The following CD226 variants were observed in gnomAD, a reference collection of about 807,000 sequenced individuals.
The protein encoded by CD226 is CD226 antigen.
A neutral mutation model predicts 34.9 loss-of-function variants in CD226; 24 were observed. That is an observed-to-expected ratio of 0.69 (90% CI 0.50 to 0.97). The LOEUF is 0.97. Ranked by LOEUF, CD226 falls within the 50% of genes least tolerant of loss-of-function variation. The pLI is 0.00. For synonymous variants in CD226, 148 were observed against 147.4 expected (o/e 1.00, Z -0.03); for missense variants, 397 against 412.7 (o/e 0.96, Z 0.33).
At chr18:69,868,086 G>A (rs756956260) in intron 4 of CD226, among the ~76,000 whole-genome samples, 4 of 152,052 alleles carry the variant, frequency 2.6e-5, no homozygotes, top group Non-Finnish European at 4.4e-5. Context: ...TTCAATAAAC[G>A]CTCCACAGTT....
At chr18:69,867,059 G>C (rs940918485) in intron 5 of CD226, among the ~76,000 whole-genome samples, 3 of 152,164 alleles carry the variant, frequency 2.0e-5, no homozygotes, top group African/African-American at 7.2e-5. Context: ...TTGGTAATTT[G>C]TCACAGCAGC....
chr18:69,955,883 A>AAAT (rs1468248822), intron 1 of CD226, among the ~76,000 whole-genome samples: 1 of 151,286 alleles, frequency 6.6e-6, no homozygotes, highest in Non-Finnish European at 1.5e-5. Context: ...AAAAAAAAAA[A>AAAT]ATTTCCTCAG....
At chr18:69,934,242 T>C (rs948010680) in intron 2 of CD226, among the ~76,000 whole-genome samples, 1 of 151,670 alleles carries the variant, frequency 6.6e-6, no homozygotes, top group Admixed American at 6.6e-5. Flanking sequence ...GGGTTCTTTA[T>C]ATATCATGAA....
At chr18:69,882,197 A>T (rs1383780559) in intron 3 of CD226, among the ~76,000 whole-genome samples, 1 of 152,220 alleles carries the variant, frequency 6.6e-6, no homozygotes, top group Non-Finnish European at 1.5e-5. Flanking sequence ...CTGATGTAGA[A>T]ATTTTGCTAC....
At chr18:69,871,181 G>A (rs772939733) in intron 4 of CD226, among the ~76,000 whole-genome samples, 9 of 152,100 alleles carry the variant, frequency 5.9e-5, no homozygotes, top group East Asian at 1.9e-4. Context: ...ACATTTGCCC[G>A]GTTCCCATGT....
At chr18:69,919,687 GTTA>G (rs1401311029) in intron 2 of CD226, among the ~76,000 whole-genome samples, 3 of 152,112 alleles carry the variant, frequency 2.0e-5, no homozygotes, top group Non-Finnish European at 4.4e-5. Flanking sequence ...GCAGGCCAGG[GTTA>G]TTAAGTCTGA....
intron 3 of CD226, among the ~76,000 whole-genome samples, chr18:69,878,101 A>T (rs1983989480): frequency 6.6e-6 from 1 of 152,208 alleles, no homozygotes; most frequent in Non-Finnish European, 1.5e-5. Flanking sequence ...TTAGTTTTTT[A>T]AGTTTTGCTA....
At chr18:69,898,571 C>T (rs527240444) in intron 2 of CD226, among the ~76,000 whole-genome samples, 1 of 152,226 alleles carries the variant, frequency 6.6e-6, no homozygotes, top group South Asian at 2.1e-4. Context: ...ATGTGAGGAC[C>T]TAGACCCGCC....
At position 69,860,625 on chromosome 18, in the gene CD226, T is replaced by C. The variant is rs980235750; in HGVS notation, c.*3689A>G. The stretch of plus-strand genomic sequence containing the variant: ...AAAAAAATTAACTTGTTTTTAGTTT[T>C]CAGATACATGTTTTAAGAGCCCAGA... On this transcript the variant is annotated 3_prime_UTR_variant, in exon 6 of 6. Transcript: ENST00000582621. 1 of 152,176 alleles carries C rather than the reference T, an allele frequency of 6.6e-6. No homozygotes were observed. 9.4% of individuals were successfully genotyped at this position (152,176 alleles called of 1,614,324 possible). A position where few individuals can be genotyped will look rare whatever the true frequency, so the allele number is the denominator to read the frequency against.
chr18:69,937,940 A>C (rs1231458710), intron 2 of CD226, among the ~76,000 whole-genome samples: 2 of 152,172 alleles, frequency 1.3e-5, no homozygotes, highest in African/African-American at 4.8e-5. Flanking sequence ...ACAAGAATGA[A>C]AGAAAACTTT....
intron 4 of CD226, among the ~76,000 whole-genome samples, chr18:69,869,801 T>TTC (rs955727543): frequency 4.6e-5 from 4 of 86,346 alleles, no homozygotes; most frequent in African/African-American, 1.0e-4. Context: ...TTTTTTTTCT[T>TTC]TTTTTTTTTT....
In CD226 at chr18:69,946,813, A is replaced by C. The variant is rs765504748; in HGVS notation, c.303T>G (p.Asp101Glu). Residue 101 changes from aspartate to glutamate, a missense_variant, in exon 2 of 6, where the codon GAT (aspartate) becomes GAG (glutamate). Coordinates refer to ENST00000582621, the MANE Select transcript of CD226 (RefSeq NM_001303618.2). ...GAGAGCAGGAATAGTAGCCAACATCATCTTCAGAGGCATTCCGAAAGAAAA... is the reference window on the plus strand; with the variant it reads ...GAGAGCAGGAATAGTAGCCAACATCCTCTTCAGAGGCATTCCGAAAGAAAA... ...MTLFFRNASE[D>E]DVGYYSCSLY... 1 of 1,614,184 alleles carries C rather than the reference A, an allele frequency of 6.2e-7. No individual in the cohort carries two copies. Among genetic ancestry groups the C allele is most frequent in the Non-Finnish European group, 8.5e-7 (1 of 1,180,028 alleles).
At chr18:69,899,064 T>C (rs867779551) in intron 2 of CD226, among the ~76,000 whole-genome samples, 2 of 152,260 alleles carry the variant, frequency 1.3e-5, no homozygotes, top group Middle Eastern at 3.2e-3. Flanking sequence ...CCATGATTTT[T>C]ATTGCAGGAT....
intron 2 of CD226, among the ~76,000 whole-genome samples, chr18:69,911,698 C>T (rs575728927): frequency 5.4e-4 from 82 of 152,322 alleles, no homozygotes; most frequent in African/African-American, 1.9e-3. Flanking sequence ...CCACACTTAT[C>T]TGCCCCATGT....
At chr18:69,914,146 G>A (rs1213495393) in intron 2 of CD226, among the ~76,000 whole-genome samples, 1 of 152,170 alleles carries the variant, frequency 6.6e-6, no homozygotes. Flanking sequence ...TATGTATTAT[G>A]TCAGAATGTG....
rs397771802 is a variant in CD226 at position 69,888,416 on chromosome 18, CTTT to C, written c.727+7282_727+7284del. ...TGCACTGACTATTTTTTTCCTTTCT[CTTT>C]TTTTTTTTTTTTTTTTGGAGACAGG... On this transcript the variant is annotated intron_variant, in intron 3 of 5. Transcript: ENST00000582621. Among the ~76,000 whole-genome samples the C allele has an allele frequency of 9.0e-3, 1,119 of 125,022 alleles. 11 individuals are homozygous for C. The highest frequency in any genetic ancestry group is 0.031 in the African/African-American group (1,041 of 33,438). 82.0% of individuals were successfully genotyped at this position (125,022 alleles called of 152,430 possible). A position where few individuals can be genotyped will look rare whatever the true frequency, so the allele number is the denominator to read the frequency against.
chr18:69,947,973 C>T (rs1751402261), upstream of CD226: 1 of 152,232 alleles, frequency 6.6e-6, no homozygotes, highest in Non-Finnish European at 1.5e-5. Flanking sequence ...TTCCTCCTTG[C>T]TGATCTCAGA....
chr18:69,909,922 A>C (rs966304781), intron 2 of CD226, among the ~76,000 whole-genome samples: 2 of 152,234 alleles, frequency 1.3e-5, no homozygotes, highest in Admixed American at 1.3e-4. Flanking sequence ...GAAGCAAATC[A>C]TGAAAAGTAA....
chr18:69,881,276 T>C (rs1221616002), intron 3 of CD226, among the ~76,000 whole-genome samples: 2 of 152,216 alleles, frequency 1.3e-5, no homozygotes, highest in Non-Finnish European at 1.5e-5. Flanking sequence ...CAGATGTGGG[T>C]GAGCTGACAG....
Sources: gnomAD v4.1 joint callset for allele counts (sites outside exome capture counted in the v4.1 genomes callset) on GRCh38, gnomAD v4.1.1 for gene constraint, MANE v1.5 for transcripts, NCBI Gene and HGNC (gene_info 2026-07-23, HGNC 2026-07-21) for gene names.